The following KCNH8 variants were observed in gnomAD, a reference collection of about 807,000 sequenced individuals.
KCNH8 encodes the protein potassium voltage-gated channel subfamily H member 8.
KCNH8 carries 70 observed loss-of-function variants against 103.6 expected under a neutral mutation model. That is an observed-to-expected ratio of 0.68 (90% CI 0.56 to 0.82). The LOEUF is 0.82. Among genes scored for constraint, KCNH8 ranks in the 40% least tolerant of loss-of-function variants. The pLI, the probability that KCNH8 is intolerant of heterozygous loss-of-function variation, is 0.00. For synonymous variants in KCNH8, 498 were observed against 489.4 expected (o/e 1.02, Z -0.23); for missense variants, 1,217 against 1,329.9 (o/e 0.92, Z 1.32).
chr3:19,300,578 C>T (rs2065052659), intron 3 of KCNH8, among the ~76,000 whole-genome samples: 1 of 152,018 alleles, frequency 6.6e-6, no homozygotes, highest in Non-Finnish European at 1.5e-5. Context: ...AACCTAGACC[C>T]CTAGGTGCTC....
intron 1 of KCNH8, among the ~76,000 whole-genome samples, chr3:19,164,038 C>G (rs2063259171): frequency 6.6e-6 from 1 of 152,144 alleles, no homozygotes; most frequent in African/African-American, 2.4e-5. Flanking sequence ...TGCAGATTTT[C>G]TACTGGAGGG....
chr3:19,468,092 C>T lies in KCNH8; in HGVS notation c.2040+11110C>T, dbSNP rs367849658. ...CTCCCAGTTATCCTCTGTTATATCA[C>T]CTTGTTTGTCTTTTTTCATGGCATT... On this transcript the variant is annotated intron_variant, in intron 11 of 15. Transcript: ENST00000328405. Among the ~76,000 whole-genome samples the T allele has an allele frequency of 1.2e-4, 18 of 152,256 alleles. No individual in the cohort carries two copies. The East Asian group carries it at 3.3e-3, about 28-fold the overall frequency.
chr3:19,343,034 C>T (rs13316471), intron 4 of KCNH8, among the ~76,000 whole-genome samples: 7,471 of 152,060 alleles, frequency 0.049, 281 homozygotes, highest in East Asian at 0.11. Context: ...TGCAGCAAGT[C>T]GTATTACACA....
intron 2 of KCNH8, among the ~76,000 whole-genome samples, chr3:19,258,947 C>CTATATATATATATA (rs71055060): frequency 1.9e-3 from 47 of 24,784 alleles, no homozygotes; most frequent in South Asian, 2.9e-3. Flanking sequence ...CTCTCTCTCT[C>CTATATATATATATA]TATATATATA....
chr3:19,258,329 A>AT (rs1427882069), intron 2 of KCNH8, among the ~76,000 whole-genome samples: 1 of 152,002 alleles, frequency 6.6e-6, no homozygotes, highest in Non-Finnish European at 1.5e-5. Flanking sequence ...TAAGCCACTG[A>AT]TTCTCTGTGG....
chr3:19,457,420 G>C (rs892684055), intron 11 of KCNH8, among the ~76,000 whole-genome samples: 1 of 151,966 alleles, frequency 6.6e-6, no homozygotes, highest in Non-Finnish European at 1.5e-5. Flanking sequence ...ACACAAAACA[G>C]TCTATCTTAA....
At chr3:19,396,458 A>G (rs1296378941) in intron 7 of KCNH8, among the ~76,000 whole-genome samples, 2 of 151,950 alleles carry the variant, frequency 1.3e-5, no homozygotes, top group African/African-American at 4.8e-5. Flanking sequence ...TCACATCCCA[A>G]TTTTATTTCT....
At chr3:19,338,749 C>T (rs897731484) in intron 3 of KCNH8, among the ~76,000 whole-genome samples, 1 of 151,894 alleles carries the variant, frequency 6.6e-6, no homozygotes, top group African/African-American at 2.4e-5. Flanking sequence ...TAAAATGTTG[C>T]CATGTTTTCT....
chr3:19,284,869 TA>T (rs1263075004), intron 3 of KCNH8, among the ~76,000 whole-genome samples: 4,511 of 96,254 alleles, frequency 0.047, 211 homozygotes, highest in African/African-American at 0.14. Context: ...GTCCTTTTTA[TA>T]AAAAAAAAAA....
chr3:19,331,903 T>C (rs958880525), intron 3 of KCNH8, among the ~76,000 whole-genome samples: 3 of 152,264 alleles, frequency 2.0e-5, no homozygotes, highest in East Asian at 1.9e-4. Context: ...TAACTGTAAG[T>C]CAAATACAAT....
intron 3 of KCNH8, among the ~76,000 whole-genome samples, chr3:19,305,743 T>C (rs892220153): frequency 4.6e-5 from 7 of 152,068 alleles, no homozygotes; most frequent in Non-Finnish European, 7.4e-5. Context: ...AAAACTTGTA[T>C]AGAAAACAAA....
chr3:19,184,160 A>G (rs917996799), intron 1 of KCNH8, among the ~76,000 whole-genome samples: 2 of 152,128 alleles, frequency 1.3e-5, no homozygotes, highest in African/African-American at 4.8e-5. Flanking sequence ...TATTTATAAT[A>G]GCAAATTTTA....
intron 2 of KCNH8, among the ~76,000 whole-genome samples, chr3:19,280,238 G>GTTTTTT (rs1410814715): frequency 2.0e-5 from 3 of 151,900 alleles, no homozygotes; most frequent in African/African-American, 7.3e-5. Flanking sequence ...ATTTCTCATG[G>GTTTTTT]TTTTTTGCTC....
intron 3 of KCNH8, among the ~76,000 whole-genome samples, chr3:19,335,670 A>T (rs1354970747): frequency 1.3e-5 from 2 of 151,564 alleles, no homozygotes; most frequent in African/African-American, 4.8e-5. Flanking sequence ...GGCCTCAGAG[A>T]GGGGTGGTAA....
chr3:19,514,231 A>G lies in KCNH8; in HGVS notation c.2435+906A>G, dbSNP rs189205423. ...ATAAAGCAAGTGGTCTTTCTCAAAT[A>G]CTATATTTTTATTATTTATTTGAAC... is the stretch of plus-strand genomic sequence containing the variant. On this transcript the variant is annotated intron_variant, in intron 13 of 15. Coordinates refer to ENST00000328405, the MANE Select transcript of KCNH8 (RefSeq NM_144633.3). 2.2e-3 allele frequency among the ~76,000 whole-genome samples: 332 copies of G among 151,898 alleles called. 3 individuals carry two copies. Among genetic ancestry groups the G allele is most frequent in the Admixed American group, 0.019 (284 of 15,272 alleles).
chr3:19,290,549 T>G (rs949842064), intron 3 of KCNH8, among the ~76,000 whole-genome samples: 1 of 152,232 alleles, frequency 6.6e-6, no homozygotes, highest in African/African-American at 2.4e-5. Flanking sequence ...TGGATTACAT[T>G]TATTGATTTG....
intron 3 of KCNH8, among the ~76,000 whole-genome samples, chr3:19,320,267 C>T (rs1026307968): frequency 1.6e-4 from 25 of 152,024 alleles, no homozygotes; most frequent in Non-Finnish European, 2.9e-4. Context: ...TCAACTTTTA[C>T]ACTTTCAGTA....
intron 2 of KCNH8, among the ~76,000 whole-genome samples, chr3:19,258,939 C>CTA (rs1157867394): frequency 8.9e-4 from 66 of 74,072 alleles, no homozygotes; most frequent in African/African-American, 1.2e-3. Flanking sequence ...CTCTCTCTCT[C>CTA]TCTCTCTCTA....
At chr3:19,436,284 G>GA (rs996658259) in intron 7 of KCNH8, among the ~76,000 whole-genome samples, 8 of 149,158 alleles carry the variant, frequency 5.4e-5, no homozygotes, top group Admixed American at 1.3e-4. Flanking sequence ...TGTTCTTTAG[G>GA]AAAAAAAAAA....
Sources: gnomAD v4.1 joint callset for allele counts (sites outside exome capture counted in the v4.1 genomes callset) on GRCh38, gnomAD v4.1.1 for gene constraint, MANE v1.5 for transcripts, NCBI Gene and HGNC (gene_info 2026-07-23, HGNC 2026-07-21) for gene names.